Variants in NEK11 observed in about 807,000 individuals in gnomAD.
NEK11 encodes the protein serine/threonine-protein kinase Nek11.
NEK11 carries 72 observed loss-of-function variants against 80.7 expected under a neutral mutation model. That is an observed-to-expected ratio of 0.89 (90% CI 0.74 to 1.08). The LOEUF (loss-of-function observed/expected upper bound fraction) is 1.08, where lower values mean the gene tolerates loss of function less well. Ranked by LOEUF, NEK11 falls within the 50% of genes least tolerant of loss-of-function variation. The pLI is 0.00. For synonymous variants in NEK11, 251 were observed against 260.7 expected, an observed-to-expected ratio of 0.96 and a Z score of 0.36; for missense variants, 764 against 763.6, an observed-to-expected ratio of 1.00 and a Z score of -0.01.
chr3:131,049,963 CAAAA>C lies in NEK11; in HGVS notation c.170+20097_170+20100del, dbSNP rs5852614. ...GGAAAATAAAACAGGTGTTTCAGTC[CAAAA>C]AAAAAAAAAAATCAAAAGGCATTAA... is the stretch of plus-strand genomic sequence containing the variant. On this transcript the variant is annotated intron_variant, in intron 3 of 17. Coordinates refer to ENST00000383366, the MANE Select transcript of NEK11 (RefSeq NM_024800.5). 4.5e-5 allele frequency among the ~76,000 whole-genome samples: 6 copies of C among 131,994 alleles called. No individual in the cohort carries two copies. In the East Asian group the frequency reaches 1.3e-3, roughly 29 times the overall value. The allele number at this position is 131,994 out of a possible 152,430, so 86.6% of individuals were successfully genotyped here. A position where few individuals can be genotyped will look rare whatever the true frequency, so the allele number is the denominator to read the frequency against.
chr3:131,242,130 T>C (rs1430686503), intron 15 of NEK11, among the ~76,000 whole-genome samples: 1 of 152,116 alleles, frequency 6.6e-6, no homozygotes, highest in Non-Finnish European at 1.5e-5. Context: ...TCTAATTCAT[T>C]AGTGAAATGA....
At chr3:131,188,851 T>C (rs569582944) in intron 14 of NEK11, among the ~76,000 whole-genome samples, 1 of 147,988 alleles carries the variant, frequency 6.8e-6, no homozygotes, top group South Asian at 2.1e-4. Flanking sequence ...AGTTGAATTA[T>C]GACCCCCAAA....
chr3:131,122,248 G>T (rs1041134711), intron 5 of NEK11, among the ~76,000 whole-genome samples: 1 of 152,162 alleles, frequency 6.6e-6, no homozygotes, highest in Non-Finnish European at 1.5e-5. Flanking sequence ...TCCTACCCCA[G>T]ATTTGAAGGT....
At chr3:131,140,056 A>G (rs991416893) in intron 7 of NEK11, among the ~76,000 whole-genome samples, 4 of 152,230 alleles carry the variant, frequency 2.6e-5, no homozygotes, top group Admixed American at 6.5e-5. Flanking sequence ...CACTTCTCAC[A>G]TGTTCTTTTC....
chr3:131,252,590 A>C (rs536342246), intron 16 of NEK11, among the ~76,000 whole-genome samples: 28 of 152,218 alleles, frequency 1.8e-4, no homozygotes, highest in African/African-American at 6.7e-4. Flanking sequence ...GATCCTGAAG[A>C]TGACTTTTTG....
intron 14 of NEK11, among the ~76,000 whole-genome samples, chr3:131,211,067 A>C (rs576988277): frequency 7.3e-4 from 111 of 151,788 alleles, no homozygotes; most frequent in African/African-American, 2.6e-3. Flanking sequence ...TCTTCCTAGC[A>C]TTGATGGTCT....
At chr3:131,136,120 C>G (rs2085521275) in intron 7 of NEK11, among the ~76,000 whole-genome samples, 1 of 151,884 alleles carries the variant, frequency 6.6e-6, no homozygotes, top group Non-Finnish European at 1.5e-5. Context: ...ATGTGTTTCT[C>G]TGAGCATTAG....
intron 5 of NEK11, among the ~76,000 whole-genome samples, chr3:131,119,908 C>A (rs2082062142): frequency 1.3e-5 from 2 of 152,186 alleles, no homozygotes; most frequent in African/African-American, 4.8e-5. Context: ...ATACAGCACA[C>A]CGATGGGTCT....
chr3:131,084,249 T>C (rs1005885807), intron 4 of NEK11, among the ~76,000 whole-genome samples: 1 of 152,196 alleles, frequency 6.6e-6, no homozygotes, highest in Non-Finnish European at 1.5e-5. Flanking sequence ...GATTGATCTT[T>C]TTCTGATTCA....
intron 17 of NEK11, among the ~76,000 whole-genome samples, chr3:131,333,269 T>G (rs1184868407): frequency 1.3e-5 from 2 of 151,920 alleles, no homozygotes; most frequent in Admixed American, 6.6e-5. Flanking sequence ...AGCGGATCTC[T>G]CGGCAGAAAC....
At chr3:131,282,385 A>G (rs986462125) in intron 17 of NEK11, among the ~76,000 whole-genome samples, 1 of 143,550 alleles carries the variant, frequency 7.0e-6, no homozygotes, top group African/African-American at 2.9e-5. Flanking sequence ...ATAGAGGAAG[A>G]TGAGGGGTAA....
intron 17 of NEK11, among the ~76,000 whole-genome samples, chr3:131,320,798 G>A (rs2096889487): frequency 1.3e-5 from 2 of 151,984 alleles, no homozygotes; most frequent in African/African-American, 4.8e-5. Context: ...TAACAGAGGA[G>A]GTGAAATATC....
chr3:131,224,599 C>T (rs778642647), intron 14 of NEK11, among the ~76,000 whole-genome samples: 2 of 152,034 alleles, frequency 1.3e-5, no homozygotes, highest in African/African-American at 4.8e-5. Flanking sequence ...TGTAAAACAG[C>T]CTTGGGCAGG....
chr3:131,162,602 C>A (rs1035327677), intron 11 of NEK11, 75 bp downstream of exon 11: 228 of 1,561,550 alleles, frequency 1.5e-4, no homozygotes, highest in Middle Eastern at 1.2e-3. Flanking sequence ...CAGAGAAAAG[C>A]AAAAACCAAA....
chr3:131,102,698 A>G (rs1472881217), intron 4 of NEK11, among the ~76,000 whole-genome samples: 2 of 151,966 alleles, frequency 1.3e-5, no homozygotes, highest in African/African-American at 4.8e-5. Flanking sequence ...CTCTGTATTT[A>G]TTCGTTTTGC....
intron 15 of NEK11, among the ~76,000 whole-genome samples, chr3:131,237,091 G>A (rs919235124): frequency 6.6e-6 from 1 of 152,168 alleles, no homozygotes; most frequent in African/African-American, 2.4e-5. Context: ...TGTAATCCTA[G>A]CACTTTGGGA....
chr3:131,042,333 A>G (rs1417526087), intron 3 of NEK11, among the ~76,000 whole-genome samples: 1 of 152,042 alleles, frequency 6.6e-6, no homozygotes, highest in Non-Finnish European at 1.5e-5. Context: ...TCCCATTCCC[A>G]TGGAACCCAG....
At chr3:131,257,027 T>C (rs1224923772) in intron 16 of NEK11, among the ~76,000 whole-genome samples, 2 of 152,006 alleles carry the variant, frequency 1.3e-5, no homozygotes, top group African/African-American at 4.8e-5. Flanking sequence ...CTCTATTGCC[T>C]GTGCTGGAGT....
chr3:131,278,267 G>A (rs1275324168), intron 17 of NEK11, among the ~76,000 whole-genome samples: 1 of 152,184 alleles, frequency 6.6e-6, no homozygotes, highest in East Asian at 1.9e-4. Flanking sequence ...AACAACATCA[G>A]CTCTCAGAAG....
Sources: gnomAD v4.1 joint callset for allele counts (sites outside exome capture counted in the v4.1 genomes callset) on GRCh38, gnomAD v4.1.1 for gene constraint, MANE v1.5 for transcripts, NCBI Gene and HGNC (gene_info 2026-07-23, HGNC 2026-07-21) for gene names.